Variants in OSBPL8 observed in about 807,000 individuals in gnomAD.
The protein encoded by OSBPL8 is oxysterol-binding protein-related protein 8.
A neutral mutation model predicts 125.5 loss-of-function variants in OSBPL8; 59 were observed. That is an observed-to-expected ratio of 0.47 (90% confidence interval 0.38 to 0.58). The LOEUF is 0.58. Among genes scored for constraint, OSBPL8 ranks in the 20% least tolerant of loss-of-function variants. The pLI is 0.00. For missense variants in OSBPL8, 758 were observed against 1,047.8 expected, an observed-to-expected ratio of 0.72 and a Z score of 3.82; for synonymous variants, 330 against 338.9, an observed-to-expected ratio of 0.97 and a Z score of 0.29.
chr12:76,545,427 G>C (rs1220558355), intron 1 of OSBPL8, among the ~76,000 whole-genome samples: 2 of 152,042 alleles, frequency 1.3e-5, no homozygotes, highest in East Asian at 3.9e-4. Flanking sequence ...AGAAAGGTTT[G>C]CCCAGTTTTC....
At chr12:76,495,761 AG>A (rs146655917) in intron 1 of OSBPL8, among the ~76,000 whole-genome samples, 113 of 151,602 alleles carry the variant, frequency 7.5e-4, no homozygotes, top group Middle Eastern at 3.4e-3. Flanking sequence ...GGATCTGTCT[AG>A]GCAAGGTTCA....
At chr12:76,480,533 T>C (rs1271254366) in intron 2 of OSBPL8, among the ~76,000 whole-genome samples, 4 of 152,210 alleles carry the variant, frequency 2.6e-5, no homozygotes, top group African/African-American at 9.7e-5. Flanking sequence ...CTGTTAGAGT[T>C]AGCAAGCAGC....
intron 21 of OSBPL8, among the ~76,000 whole-genome samples, chr12:76,360,882 G>A (rs1348573577): frequency 2.6e-5 from 4 of 152,232 alleles, no homozygotes; most frequent in East Asian, 3.8e-4. Context: ...CACAGCATGG[G>A]AACCCTGGGC....
At chr12:76,394,559 A>G (rs565314697) in intron 9 of OSBPL8, 86 bp downstream of exon 9, 3 of 937,338 alleles carry the variant, frequency 3.2e-6, no homozygotes, top group East Asian at 2.6e-5. Context: ...TACTAAAAAT[A>G]TATTTCCCCA....
intron 4 of OSBPL8, among the ~76,000 whole-genome samples, chr12:76,421,664 T>C (rs1869500567): frequency 6.6e-6 from 1 of 152,058 alleles, no homozygotes. Context: ...TTTCAGTCAA[T>C]ATTTCTTTGC....
chr12:76,503,541 T>G (rs984360324), intron 1 of OSBPL8, among the ~76,000 whole-genome samples: 1 of 151,648 alleles, frequency 6.6e-6, no homozygotes, highest in African/African-American at 2.4e-5. Flanking sequence ...AACAAGTATG[T>G]TTTTTTTTAT....
At chr12:76,367,229 G>GGTGTGTGTGTGT (rs71311108) in intron 21 of OSBPL8, among the ~76,000 whole-genome samples, 54 of 147,274 alleles carry the variant, frequency 3.7e-4, no homozygotes, top group East Asian at 2.4e-3. Context: ...TTTGTTGATT[G>GGTGTGTGTGTGT]GTGTGTGTGT....
chr12:76,449,280 CAGG>C (rs1248921575), intron 4 of OSBPL8, among the ~76,000 whole-genome samples: 2 of 152,160 alleles, frequency 1.3e-5, no homozygotes, highest in African/African-American at 2.4e-5. Flanking sequence ...AGTAGTACCA[CAGG>C]AGATTTCCGT....
chr12:76,540,747 A>C (rs75243013), intron 1 of OSBPL8, among the ~76,000 whole-genome samples: 6,981 of 151,990 alleles, frequency 0.046, 573 homozygotes, highest in African/African-American at 0.16. Context: ...AAAATGGCTT[A>C]AGTCTCTCTC....
At chr12:76,528,433 T>C (rs1179659915) in intron 1 of OSBPL8, among the ~76,000 whole-genome samples, 1 of 152,122 alleles carries the variant, frequency 6.6e-6, no homozygotes, top group Non-Finnish European at 1.5e-5. Context: ...AGAGTTAGTT[T>C]TGATTACCAG....
At chr12:76,492,808 A>T (rs1878861795) in intron 1 of OSBPL8, among the ~76,000 whole-genome samples, 1 of 152,100 alleles carries the variant, frequency 6.6e-6, no homozygotes, top group South Asian at 2.1e-4. Context: ...CAGAATACAC[A>T]ATAAGTGTAA....
intron 2 of OSBPL8, among the ~76,000 whole-genome samples, chr12:76,472,203 A>G (rs928932121): frequency 4.6e-5 from 7 of 152,234 alleles, no homozygotes; most frequent in African/African-American, 1.7e-4. Flanking sequence ...CATCTGTAAG[A>G]TGAGGATACC....
chr12:76,378,692 T>C (rs1952921965), intron 15 of OSBPL8, 142 bp from the exon 16 acceptor site: 4 of 609,962 alleles, frequency 6.6e-6, no homozygotes, highest in Non-Finnish European at 8.6e-6. Context: ...CAAACATGTA[T>C]TCATTACCTT....
chr12:76,510,546 C>T (rs1024426445), intron 1 of OSBPL8, among the ~76,000 whole-genome samples: 33 of 152,138 alleles, frequency 2.2e-4, no homozygotes, highest in Non-Finnish European at 4.0e-4. Context: ...GCTTCACTGT[C>T]GGTTATATGT....
intron 1 of OSBPL8, among the ~76,000 whole-genome samples, chr12:76,496,393 G>A (rs1260464508): frequency 1.4e-5 from 2 of 145,620 alleles, no homozygotes; most frequent in East Asian, 3.9e-4. Context: ...TTTTGACAGT[G>A]TCTTGGTTAT....
chr12:76,460,114 A>G (rs1874537247), intron 2 of OSBPL8, among the ~76,000 whole-genome samples: 1 of 152,256 alleles, frequency 6.6e-6, no homozygotes, highest in Non-Finnish European at 1.5e-5. Context: ...GCAGTATCAA[A>G]TATTTGTTTT....
chr12:76,509,779 T>C (rs143213211), intron 1 of OSBPL8, among the ~76,000 whole-genome samples: 4 of 152,198 alleles, frequency 2.6e-5, no homozygotes, highest in Non-Finnish European at 5.9e-5. Flanking sequence ...TGTACAACTT[T>C]AGGAAGATGG....
At chr12:76,393,370 C>T (rs189498930) in intron 9 of OSBPL8, among the ~76,000 whole-genome samples, 5 of 152,176 alleles carry the variant, frequency 3.3e-5, no homozygotes, top group Non-Finnish European at 7.4e-5. Context: ...GAATATCAGC[C>T]AAGTAAAGCA....
chr12:76,434,798 C>T (rs1871250771), intron 4 of OSBPL8, among the ~76,000 whole-genome samples: 1 of 152,134 alleles, frequency 6.6e-6, no homozygotes, highest in Non-Finnish European at 1.5e-5. Context: ...AAACACAAGT[C>T]AAAACCTCAA....
Sources: gnomAD v4.1 joint callset for allele counts (sites outside exome capture counted in the v4.1 genomes callset) on GRCh38, gnomAD v4.1.1 for gene constraint, MANE v1.5 for transcripts, NCBI Gene and HGNC (gene_info 2026-07-23, HGNC 2026-07-21) for gene names.